DPP6: variants seen among roughly 807,000 people sequenced by gnomAD.
The protein encoded by DPP6 is A-type potassium channel modulatory protein DPP6.
A neutral mutation model predicts 122.6 loss-of-function variants in DPP6; 69 were observed. That is an observed-to-expected ratio of 0.56 (90% CI 0.46 to 0.69). DPP6 has a LOEUF of 0.69. Among genes scored for constraint, DPP6 ranks in the 30% least tolerant of loss-of-function variants. DPP6 has a pLI of 0.00. For synonymous variants in DPP6, 418 were observed against 433.1 expected (o/e 0.97, Z 0.43); for missense variants, 928 against 1,116.9 (o/e 0.83, Z 2.41).
At chr7:154,060,607 C>T (rs1360706578) in intron 1 of DPP6, among the ~76,000 whole-genome samples, 35 of 141,928 alleles carry the variant, frequency 2.5e-4, no homozygotes, top group Admixed American at 2.4e-3. Flanking sequence ...CCCTCTTCCC[C>T]CCCCTGGCTC....
intron 1 of DPP6, among the ~76,000 whole-genome samples, chr7:154,178,332 C>T (rs572163618): frequency 6.6e-6 from 1 of 151,988 alleles, no homozygotes; most frequent in African/African-American, 2.4e-5. Context: ...CCAGGCCCCA[C>T]ACCTCTTTTA....
At chr7:153,889,055 T>G (rs917264264) in intron 1 of DPP6, among the ~76,000 whole-genome samples, 2 of 152,160 alleles carry the variant, frequency 1.3e-5, no homozygotes. Flanking sequence ...CGCCGTGGGT[T>G]CAGAACTTGA....
chr7:154,535,389 T>A (rs1251077903), intron 3 of DPP6, among the ~76,000 whole-genome samples: 1,428 of 111,640 alleles, frequency 0.013, 21 homozygotes, highest in African/African-American at 0.059. Flanking sequence ...ACTTTAGATT[T>A]TTTTTTTTTA....
Position 154,672,891 on chromosome 7 carries a change from C to A in DPP6, c.762+3450C>A, listed in dbSNP as rs115473722. ...ACTGCAGCATGGAAGCAGCTGCAGA[C>A]AGTATAGACAAGATGGGCATGGCTG... On this transcript the variant is annotated intron_variant, in intron 7 of 25. Coordinates refer to ENST00000377770, the MANE Select transcript of DPP6 (RefSeq NM_130797.4). Among the ~76,000 whole-genome samples the A allele has an allele frequency of 4.3e-3, 653 of 152,292 alleles. 3 individuals are homozygous for A. The highest frequency in any genetic ancestry group is 0.015 in the African/African-American group (629 of 41,570).
intron 1 of DPP6, among the ~76,000 whole-genome samples, chr7:154,209,561 A>C (rs976971424): frequency 6.6e-6 from 1 of 150,820 alleles, no homozygotes; most frequent in South Asian, 2.1e-4. Context: ...AAAAACAAAA[A>C]ACCTTTCTTC....
intron 8 of DPP6, among the ~76,000 whole-genome samples, chr7:154,752,444 C>A (rs1436756206): frequency 6.6e-6 from 1 of 152,154 alleles, no homozygotes; most frequent in Non-Finnish European, 1.5e-5. Flanking sequence ...GTTGCCCTGG[C>A]TCTCCTGGGC....
chr7:153,984,247 C>G (rs1481796047), intron 1 of DPP6, among the ~76,000 whole-genome samples: 2 of 152,082 alleles, frequency 1.3e-5, no homozygotes, highest in Non-Finnish European at 2.9e-5. Context: ...TGATTTCTAT[C>G]TAATGTGTAT....
At chr7:153,864,672 TACACACACACACAC>T in the DPP6 span, among the ~76,000 whole-genome samples, 7,320 of 135,174 alleles carry the variant, frequency 0.054, 278 homozygotes, top group Non-Finnish European at 0.064. Flanking sequence ...ATAATAATAA[TACACACACACACAC>T]ACACACACAC....
chr7:153,815,969 C>A, the DPP6 span, among the ~76,000 whole-genome samples: 2 of 152,142 alleles, frequency 1.3e-5, no homozygotes, highest in East Asian at 3.9e-4. Flanking sequence ...TTTCCAATGT[C>A]ATTTATTATA....
chr7:154,211,373 G>A (rs959679854), intron 1 of DPP6, among the ~76,000 whole-genome samples: 2 of 152,078 alleles, frequency 1.3e-5, no homozygotes, highest in South Asian at 2.1e-4. Flanking sequence ...TTCCACACCT[G>A]AGTCAGGGAG....
At chr7:154,753,634 T>C (rs1183701056) in intron 8 of DPP6, among the ~76,000 whole-genome samples, 3 of 152,162 alleles carry the variant, frequency 2.0e-5, no homozygotes, top group African/African-American at 4.8e-5. Context: ...TCATTCTCTT[T>C]AGTATCATGC....
At chr7:154,759,627 C>CA (rs1210144038) in intron 8 of DPP6, among the ~76,000 whole-genome samples, 1 of 152,210 alleles carries the variant, frequency 6.6e-6, no homozygotes, top group Non-Finnish European at 1.5e-5. Context: ...CCCCCTACTT[C>CA]AAAAATAAGC....
intron 1 of DPP6, among the ~76,000 whole-genome samples, chr7:154,006,738 T>C (rs1223252067): frequency 6.6e-6 from 1 of 152,250 alleles, no homozygotes; most frequent in East Asian, 1.9e-4. Flanking sequence ...AATAAGCTAA[T>C]GTACAGGGAG....
At chr7:153,913,941 C>T (rs747181375) in intron 1 of DPP6, among the ~76,000 whole-genome samples, 1 of 152,182 alleles carries the variant, frequency 6.6e-6, no homozygotes, top group Non-Finnish European at 1.5e-5. Context: ...AAACTGCTTG[C>T]TTCTCCTATT....
chr7:154,332,346 A>G (rs995180322), intron 1 of DPP6, among the ~76,000 whole-genome samples: 11 of 152,212 alleles, frequency 7.2e-5, no homozygotes, highest in Non-Finnish European at 1.5e-4. Context: ...TGCTGGGATT[A>G]CAAGCGTGAG....
chr7:154,092,354 C>T (rs1462469883), intron 1 of DPP6: 2 of 152,102 alleles, frequency 1.3e-5, no homozygotes, highest in Non-Finnish European at 1.5e-5. Context: ...ATTCCAGTTT[C>T]ACCTGCTCCC....
intron 1 of DPP6, among the ~76,000 whole-genome samples, chr7:153,963,915 C>T (rs1266127376): frequency 6.6e-6 from 1 of 152,196 alleles, no homozygotes. Flanking sequence ...TGAGCCCTTG[C>T]AGCAGAGGTG....
intron 1 of DPP6, among the ~76,000 whole-genome samples, chr7:154,314,664 A>T (rs1861139): frequency 0.6 from 90,855 of 152,080 alleles, 27,699 homozygotes; most frequent in East Asian, 0.74. Context: ...AATCTTGCAC[A>T]GGAGTAAAAC....
chr7:154,817,383 T>C (rs1644769185), intron 16 of DPP6, among the ~76,000 whole-genome samples: 3 of 152,200 alleles, frequency 2.0e-5, no homozygotes, highest in Admixed American at 6.5e-5. Context: ...AAAGTCATGA[T>C]GTCATTAACA....
Sources: gnomAD v4.1 joint callset for allele counts (sites outside exome capture counted in the v4.1 genomes callset) on GRCh38, gnomAD v4.1.1 for gene constraint, MANE v1.5 for transcripts, NCBI Gene and HGNC (gene_info 2026-07-23, HGNC 2026-07-21) for gene names.